LRP1B: variants seen among roughly 807,000 people sequenced by gnomAD.
LRP1B encodes LDL receptor related protein 1B.
A neutral mutation model predicts 556.6 loss-of-function variants in LRP1B; 217 were observed. The observed-to-expected ratio is 0.39, with a 90% CI of 0.35 to 0.44. The LOEUF is 0.44. LRP1B is among the 20% of genes least tolerant of loss of function. The pLI, the probability that LRP1B is intolerant of heterozygous loss-of-function variation, is 1.00. For synonymous variants in LRP1B, 2,047 were observed against 1,865.8 expected (o/e 1.10, Z -2.50); for missense variants, 5,053 against 5,620.8 (o/e 0.90, Z 3.23).
chr2:140,570,588 C>A (rs1162312374), intron 43 of LRP1B, among the ~76,000 whole-genome samples: 1 of 151,554 alleles, frequency 6.6e-6, no homozygotes, highest in East Asian at 1.9e-4. Flanking sequence ...TTGAATTCTA[C>A]CAAACATTTG....
intron 5 of LRP1B, among the ~76,000 whole-genome samples, chr2:141,236,893 T>C (rs1683665354): frequency 6.6e-6 from 1 of 152,192 alleles, no homozygotes; most frequent in African/African-American, 2.4e-5. Context: ...AGAAAACCTC[T>C]TCTATGGTCC....
intron 66 of LRP1B, among the ~76,000 whole-genome samples, chr2:140,428,052 T>C (rs919970901): frequency 3.3e-5 from 5 of 152,118 alleles, no homozygotes; most frequent in Admixed American, 1.3e-4. Flanking sequence ...AATATAAAAA[T>C]CCAGCCCAAT....
chr2:140,982,924 T>C (rs1696814629), intron 17 of LRP1B, among the ~76,000 whole-genome samples: 1 of 152,058 alleles, frequency 6.6e-6, no homozygotes. Flanking sequence ...AATCAAGGTA[T>C]ATTAATGAAC....
At chr2:141,434,388 T>A (rs1475607787) in intron 3 of LRP1B, among the ~76,000 whole-genome samples, 2 of 152,170 alleles carry the variant, frequency 1.3e-5, no homozygotes, top group Non-Finnish European at 2.9e-5. Flanking sequence ...CTCTAGTGAA[T>A]TTTCATTTTG....
At chr2:141,674,530 C>T (rs879865219) in intron 2 of LRP1B, among the ~76,000 whole-genome samples, 1 of 152,032 alleles carries the variant, frequency 6.6e-6, no homozygotes, top group Non-Finnish European at 1.5e-5. Flanking sequence ...TTCCTTCACA[C>T]TGGAAACATA....
chr2:141,325,396 TA>T (rs1396772895), intron 3 of LRP1B, among the ~76,000 whole-genome samples: 1 of 152,128 alleles, frequency 6.6e-6, no homozygotes, highest in East Asian at 1.9e-4. Context: ...TAATTTTTGC[TA>T]GAAAACTTTT....
intron 69 of LRP1B, among the ~76,000 whole-genome samples, chr2:140,371,713 T>C (rs940730276): frequency 1.3e-5 from 2 of 151,962 alleles, no homozygotes; most frequent in Admixed American, 6.6e-5. Flanking sequence ...AGTATGTTAA[T>C]TCTTACATTC....
chr2:140,659,115 T>G (rs868507620), intron 41 of LRP1B, among the ~76,000 whole-genome samples: 171 of 143,566 alleles, frequency 1.2e-3, no homozygotes, highest in African/African-American at 4.5e-3. Context: ...TTTTTTTTTT[T>G]TTTTTTTTTT....
chr2:141,543,615 C>T (rs1434595320), intron 2 of LRP1B, among the ~76,000 whole-genome samples: 1 of 150,674 alleles, frequency 6.6e-6, no homozygotes, highest in Non-Finnish European at 1.5e-5. Context: ...GTCCTAGCTA[C>T]TGAAAAGGCT....
chr2:142,104,668 G>C (rs140224855), intron 1 of LRP1B, among the ~76,000 whole-genome samples: 1,909 of 152,256 alleles, frequency 0.013, 90 homozygotes, highest in Admixed American at 0.085. Context: ...CTGCAGTGTA[G>C]TCAAAACCTG....
intron 7 of LRP1B, among the ~76,000 whole-genome samples, chr2:141,134,194 A>G (rs182664068): frequency 6.6e-6 from 1 of 151,642 alleles, no homozygotes; most frequent in African/African-American, 2.4e-5. Flanking sequence ...CTCATCTACC[A>G]TGACCTCTGT....
intron 43 of LRP1B, among the ~76,000 whole-genome samples, chr2:140,588,840 TC>T (rs1682098598): frequency 7.6e-5 from 1 of 13,162 alleles, no homozygotes; most frequent in Non-Finnish European, 3.4e-3. Flanking sequence ...ACGCCTGTAG[TC>T]CCAGCTAACT....
chr2:141,723,910 TG>T (rs990677869), intron 2 of LRP1B, among the ~76,000 whole-genome samples: 11 of 151,836 alleles, frequency 7.2e-5, no homozygotes, highest in African/African-American at 2.7e-4. Context: ...TCACCAAAAA[TG>T]TCAACACTAA....
At chr2:141,810,673 T>G (rs948978828) in intron 1 of LRP1B, among the ~76,000 whole-genome samples, 16 of 152,120 alleles carry the variant, frequency 1.1e-4, no homozygotes, top group African/African-American at 3.9e-4. Flanking sequence ...GACTAGGGGC[T>G]TTATCGGATC....
chr2:141,095,643 A>T (rs753632581), intron 7 of LRP1B, among the ~76,000 whole-genome samples: 2 of 151,092 alleles, frequency 1.3e-5, no homozygotes, highest in African/African-American at 4.9e-5. Flanking sequence ...TATTATTATT[A>T]TTTTTTTATA....
intron 2 of LRP1B, among the ~76,000 whole-genome samples, chr2:141,749,246 T>C (rs1269342503): frequency 6.6e-6 from 1 of 152,190 alleles, no homozygotes; most frequent in East Asian, 1.9e-4. Context: ...CAAGACCTTG[T>C]AAACTTTTAA....
At chr2:140,531,162 C>T (rs1376402730) in intron 47 of LRP1B, among the ~76,000 whole-genome samples, 1 of 152,206 alleles carries the variant, frequency 6.6e-6, no homozygotes, top group East Asian at 1.9e-4. Context: ...CCCATAGTTT[C>T]TTTTGATGAA....
intron 41 of LRP1B, among the ~76,000 whole-genome samples, chr2:140,677,700 C>T (rs1037088179): frequency 2.8e-5 from 4 of 141,702 alleles, no homozygotes; most frequent in African/African-American, 1.0e-4. Flanking sequence ...TGGTGAAACC[C>T]CGTCTCTACT....
intron 41 of LRP1B, among the ~76,000 whole-genome samples, chr2:140,697,078 G>A (rs1686455916): frequency 6.6e-6 from 1 of 151,948 alleles, no homozygotes; most frequent in African/African-American, 2.4e-5. Context: ...TTGAACCCTG[G>A]GCTCGACCGA....
Sources: gnomAD v4.1 joint callset for allele counts (sites outside exome capture counted in the v4.1 genomes callset) on GRCh38, gnomAD v4.1.1 for gene constraint, MANE v1.5 for transcripts, NCBI Gene and HGNC (gene_info 2026-07-23, HGNC 2026-07-21) for gene names.